PCNT: variants seen among roughly 807,000 people sequenced by gnomAD.
PCNT encodes the protein pericentrin, also known as kendrin.
A neutral mutation model predicts 380.4 loss-of-function variants in PCNT; 319 were observed. The observed-to-expected ratio is 0.84, with a 90% CI of 0.77 to 0.92. The LOEUF (loss-of-function observed/expected upper bound fraction) is 0.92. PCNT is among the 40% of genes least tolerant of loss of function. PCNT has a pLI of 0.00. For synonymous variants in PCNT, 1,845 were observed against 1,735.2 expected (o/e 1.06, Z -1.57); for missense variants, 4,400 against 4,255.3 (o/e 1.03, Z -0.95).
chr21:46,401,920 G>A (rs767031077), intron 26 of PCNT, among the ~76,000 whole-genome samples, 199 bp downstream of exon 26: 2 of 152,104 alleles, frequency 1.3e-5, no homozygotes, highest in East Asian at 1.9e-4. Flanking sequence ...GTGCAGTCTC[G>A]GCTCACTGCA....
intron 17 of PCNT, 78 bp downstream of exon 17, chr21:46,386,061 C>T (rs1287846118): frequency 1.9e-5 from 29 of 1,559,468 alleles, no homozygotes; most frequent in East Asian, 6.7e-5. Flanking sequence ...TTGGTCCCCA[C>T]GGCTCCTGGC....
In PCNT at chr21:46,404,601, T is replaced by C. The variant is rs556667267; in HGVS notation, c.5115+2118T>C. 6.1e-5 allele frequency among the ~76,000 whole-genome samples: 9 copies of C among 146,508 alleles called. No homozygotes were observed. In the South Asian group the frequency reaches 1.9e-3, roughly 30 times the overall value. On this transcript the variant is annotated intron_variant, in intron 27 of 46. Coordinates refer to ENST00000359568, the MANE Select transcript of PCNT (RefSeq NM_006031.6). ...GTGTGATTGACTGGGGCCTTGGCTT[T>C]CCAGGATGACAGTCTTCTGTTTCCT...
In PCNT at chr21:46,391,334, C is replaced by CG. The variant is rs755265991; in HGVS notation, c.4180dup (p.Glu1394GlyfsTer33). On this transcript the variant is annotated frameshift_variant, in exon 21 of 47. Transcript: ENST00000359568. LOFTEE classifies it high-confidence loss of function. ...GGAGGAGTGCACCCGTCTGTGGAGT[C>CG]GGGGGGAGGCCACAGCCACGGACGC... 2.6e-6 allele frequency: 4 copies of CG among 1,556,872 alleles called. No homozygotes were observed. Among genetic ancestry groups the CG allele is most frequent in the Non-Finnish European group, 2.6e-6 (3 of 1,150,340 alleles).
rs1449883753 is a variant in PCNT at position 46,389,265 on chromosome 21, G to C, written c.3674G>C (p.Cys1225Ser). Residue 1225 changes from cysteine to serine, a missense_variant, in exon 19 of 47, where the codon TGT becomes TCT. By Grantham distance (112) the Cys-to-Ser change is moderately radical. Transcript: ENST00000359568. The stretch of plus-strand genomic sequence containing the variant: ...GAGTTGGACAGAACTTTGTCTGAAT[G>C]TGCAGAGATGTCTTCCGTGGCTGAA... ...LPELDRTLSE[C>S]AEMSSVAEIS... The C allele has an allele frequency of 1.2e-6, 2 of 1,614,248 alleles. No homozygotes were observed. The highest frequency in any genetic ancestry group is 3.3e-5 in the Admixed American group (2 of 60,028).
At chr21:46,347,589 T>G (rs2084114963) in intron 6 of PCNT, 77 bp downstream of exon 6, 1 of 1,333,462 alleles carries the variant, frequency 7.5e-7, no homozygotes, top group Non-Finnish European at 1.1e-6. Context: ...ATGAGAACGC[T>G]CCTCACCTTG....
chr21:46,370,607 C>T (rs778838807), intron 15 of PCNT, among the ~76,000 whole-genome samples: 4 of 152,180 alleles, frequency 2.6e-5, no homozygotes, highest in South Asian at 4.1e-4. Context: ...TTTAGTTGCT[C>T]TTATAAATCT....
At chr21:46,444,084 C>A in intron 45 of PCNT, 136 bp downstream of exon 45, 1 of 949,664 alleles carries the variant, frequency 1.1e-6, no homozygotes, top group Non-Finnish European at 1.5e-6. Context: ...AGCGTGAGTC[C>A]GTGAGGGCCA....
intron 10 of PCNT, 122 bp from the exon 11 acceptor site, chr21:46,353,865 C>G: frequency 2.4e-6 from 2 of 820,308 alleles, no homozygotes; most frequent in Non-Finnish European, 2.1e-6. Context: ...GGACATTGCC[C>G]GTCCTTGACT....
intron 17 of PCNT, among the ~76,000 whole-genome samples, chr21:46,387,217 T>C (rs2085868663): frequency 6.6e-6 from 1 of 152,168 alleles, no homozygotes; most frequent in African/African-American, 2.4e-5. Context: ...TCCATCCGTG[T>C]GTGGGGGGTG....
At chr21:46,324,307 A>G (rs1201731937) in intron 1 of PCNT, 25 bp downstream of exon 1, 1 of 1,586,868 alleles carries the variant, frequency 6.3e-7, no homozygotes, top group Non-Finnish European at 8.6e-7. Context: ...CTTCTTCTCT[A>G]GCTGCTCTGG....
chr21:46,353,731 TGTGTGTGTGTGTGTGTGTGTGA>T (rs2084363560), intron 10 of PCNT, among the ~76,000 whole-genome samples: 1 of 134,122 alleles, frequency 7.5e-6, no homozygotes, highest in Non-Finnish European at 1.7e-5. Context: ...TGTGTGTGTG[TGTGTGTGTGTGTGTGTGTGTGA>T]GAGAGACAGA....
At chr21:46,386,084 GC>G in intron 17 of PCNT, 101 bp downstream of exon 17, 1 of 1,423,498 alleles carries the variant, frequency 7.0e-7, no homozygotes, top group Non-Finnish European at 9.8e-7. Flanking sequence ...CGTGGCTGCT[GC>G]CACCATGCAC....
In PCNT at chr21:46,444,686, G is replaced by A; in HGVS notation, c.9840-8G>A. 4 of 1,531,498 alleles carry A rather than the reference G, an allele frequency of 2.6e-6. No homozygotes were observed. Among genetic ancestry groups the A allele is most frequent in the Non-Finnish European group, 2.7e-6 (3 of 1,125,200 alleles). The allele number at this position is 1,531,498 out of a possible 1,614,324, so 94.9% of individuals were successfully genotyped here. A position where few individuals can be genotyped will look rare whatever the true frequency, so the allele number is the denominator to read the frequency against. On this transcript the variant is annotated splice_polypyrimidine_tract_variant and splice_region_variant and intron_variant, in intron 45 of 46. Coordinates refer to ENST00000359568, the MANE Select transcript of PCNT (RefSeq NM_006031.6). The stretch of plus-strand genomic sequence containing the variant: ...TTTTCTTCTCTTGGTGTGGTAATTT[G>A]TTTGAAGAGCCACTCCATCCCCAAA...
chr21:46,358,791 A>AT (rs983746829), intron 13 of PCNT, among the ~76,000 whole-genome samples: 24 of 144,286 alleles, frequency 1.7e-4, no homozygotes, highest in African/African-American at 5.7e-4. Context: ...TGCCTGGCTA[A>AT]TTTTTTTTAT....
intron 33 of PCNT, 84 bp downstream of exon 33, chr21:46,426,055 A>T: frequency 9.6e-7 from 1 of 1,046,250 alleles, no homozygotes; most frequent in Non-Finnish European, 1.4e-6. Context: ...CCACGTGGAC[A>T]CTAGGATTTC....
Position 46,432,148 on chromosome 21 carries a change from C to A in PCNT, c.8684C>A (p.Ala2895Glu). ...QEGRKAARRS[A>E]EARQSPAAAE... ...GGACGCAAGGCTGCGAGGAGGAGCG[C>A]GGAGGCCAGGCAGAGCCCAGCGGCT... Residue 2895 changes from alanine (A) to glutamate (E), a missense_variant, in exon 38 of 47, where the codon GCG becomes GAG. By Grantham distance (107) the Ala-to-Glu change is moderately radical (BLOSUM62 -1). Coordinates refer to ENST00000359568, the MANE Select transcript of PCNT (RefSeq NM_006031.6). 1.1e-5 allele frequency: 17 copies of A among 1,613,820 alleles called. No individual in the cohort carries two copies. The highest frequency in any genetic ancestry group is 1.4e-5 in the Non-Finnish European group (17 of 1,179,992).
chr21:46,435,417 G>A (rs59659756), intron 38 of PCNT, among the ~76,000 whole-genome samples: 26,724 of 151,716 alleles, frequency 0.18, 4,335 homozygotes, highest in African/African-American at 0.43. Context: ...GTAGAGACGG[G>A]GTTTCCTCAT....
At position 46,412,049 on chromosome 21, in the gene PCNT, G is replaced by A. The variant is rs1017180528; in HGVS notation, c.5976G>A (p.Pro1992=). The change falls in exon 28 of 47, where the codon CCG becomes CCA. Residue 1992 remains proline, a synonymous_variant. Transcript: ENST00000359568. ...VEASHDAALE[P]VVPDPQGDLQ... The stretch of plus-strand genomic sequence containing the variant: ...CCTCCCATGATGCTGCTTTGGAGCC[G>A]GTTGTCCCTGACCCACAGGTGGGCT... 1.1e-5 allele frequency: 17 copies of A among 1,607,322 alleles called. No homozygotes were observed. The highest frequency in any genetic ancestry group is 5.5e-5 in the South Asian group (5 of 91,004).
At chr21:46,330,196 C>A (rs923442570) in intron 2 of PCNT, among the ~76,000 whole-genome samples, 2 of 152,018 alleles carry the variant, frequency 1.3e-5, no homozygotes, top group East Asian at 3.9e-4. Flanking sequence ...TGGCTCATTC[C>A]AGCCTTGACC....
Sources: gnomAD v4.1 joint callset for allele counts (sites outside exome capture counted in the v4.1 genomes callset) on GRCh38, gnomAD v4.1.1 for gene constraint, MANE v1.5 for transcripts, NCBI Gene and HGNC (gene_info 2026-07-23, HGNC 2026-07-21) for gene names.